DIP2B: variants seen among roughly 807,000 people sequenced by gnomAD.
DIP2B encodes the protein DIP2 acetate--CoA ligase B (putative).
In DIP2B, 76 loss-of-function variants were observed where a neutral mutation model predicts 198.0. The ratio of observed to expected loss-of-function variants is 0.38; its 90% confidence interval spans 0.32 to 0.46. The LOEUF (loss-of-function observed/expected upper bound fraction) is 0.46. Ranked by LOEUF, DIP2B falls within the 20% of genes least tolerant of loss-of-function variation. The pLI is 0.99. For synonymous variants in DIP2B, 701 were observed against 739.1 expected (o/e 0.95, Z 0.84); for missense variants, 1,559 against 1,978.4 (o/e 0.79, Z 4.02).
intron 22 of DIP2B, 95 bp from the exon 23 acceptor site, chr12:50,714,300 A>G (rs533657732): frequency 7.0e-7 from 1 of 1,422,336 alleles, no homozygotes; most frequent in African/African-American, 1.4e-5. Context: ...GGGTAGAGTA[A>G]GAAAAATTGT....
At chr12:50,576,736 C>T (rs1958665230) in intron 1 of DIP2B, among the ~76,000 whole-genome samples, 1 of 138,650 alleles carries the variant, frequency 7.2e-6, no homozygotes, top group Non-Finnish European at 1.6e-5. Context: ...CCGCCTCGGC[C>T]TCTCAAAGTG....
intron 34 of DIP2B, among the ~76,000 whole-genome samples, chr12:50,736,016 TCAAGA>T (rs1342016639): frequency 1.3e-5 from 2 of 152,226 alleles, no homozygotes; most frequent in Non-Finnish European, 2.9e-5. Context: ...ACATGCATTG[TCAAGA>T]CAAGTGGGAA....
intron 1 of DIP2B, among the ~76,000 whole-genome samples, chr12:50,514,037 T>G (rs1042307673): frequency 6.6e-6 from 1 of 150,752 alleles, no homozygotes; most frequent in Non-Finnish European, 1.5e-5. Context: ...AAACCATTGC[T>G]AAATCTAAAG....
intron 1 of DIP2B, among the ~76,000 whole-genome samples, chr12:50,540,303 G>T (rs1203692027): frequency 1.2e-5 from 1 of 80,822 alleles, no homozygotes; most frequent in Admixed American, 1.2e-4. Flanking sequence ...TAGAGACGGG[G>T]TTTCACCATC....
intron 1 of DIP2B, among the ~76,000 whole-genome samples, chr12:50,515,161 A>G (rs550914443): frequency 2.6e-4 from 40 of 151,846 alleles, no homozygotes; most frequent in African/African-American, 8.7e-4. Context: ...CTCCAAGGCT[A>G]CCACTGACTC....
chr12:50,744,187 A>ATTTAT (rs1940305686), intron 37 of DIP2B, among the ~76,000 whole-genome samples: 1 of 152,108 alleles, frequency 6.6e-6, no homozygotes, highest in Non-Finnish European at 1.5e-5. Flanking sequence ...TTTTTAGTAG[A>ATTTAT]GGCGGGATTT....
rs186965363 is a variant in DIP2B at position 50,584,163 on chromosome 12, A to G, written c.101-41813A>G. On this transcript the variant is annotated intron_variant, in intron 1 of 37. Transcript: ENST00000301180. The stretch of plus-strand genomic sequence containing the variant: ...CTTTATGTGGATGATTTCTAAATCT[A>G]TATCCACAGCCAAGGCTCATCCTCT... Among the ~76,000 whole-genome samples the G allele has an allele frequency of 7.9e-4, 120 of 152,308 alleles. 1 individual carries two copies. The highest frequency in any genetic ancestry group is 2.6e-3 in the African/African-American group (108 of 41,580).
intron 1 of DIP2B, among the ~76,000 whole-genome samples, chr12:50,562,612 G>A (rs1181520461): frequency 2.0e-5 from 3 of 151,888 alleles, no homozygotes; most frequent in African/African-American, 7.3e-5. Flanking sequence ...GTGCTCCTGT[G>A]GTCTCAGCTA....
intron 3 of DIP2B, 61 bp from the exon 4 acceptor site, chr12:50,660,133 T>A: frequency 7.0e-7 from 1 of 1,436,010 alleles, no homozygotes; most frequent in South Asian, 1.6e-5. Flanking sequence ...ATAGTTCAGC[T>A]CACAGTGGTA....
At chr12:50,742,051 T>G (rs1343984073) in intron 37 of DIP2B, among the ~76,000 whole-genome samples, 1 of 152,134 alleles carries the variant, frequency 6.6e-6, no homozygotes, top group Non-Finnish European at 1.5e-5. Context: ...CCCCTACATT[T>G]TCCCTGATAA....
intron 8 of DIP2B, chr12:50,679,686 A>C (rs1013836716): frequency 6.6e-6 from 1 of 152,246 alleles, no homozygotes; most frequent in Non-Finnish European, 1.5e-5. Context: ...TTTAACATTC[A>C]CCTCAGAAGC....
intron 1 of DIP2B, among the ~76,000 whole-genome samples, chr12:50,525,673 T>C (rs751282192): frequency 2.0e-5 from 3 of 151,984 alleles, no homozygotes; most frequent in Non-Finnish European, 1.5e-5. Flanking sequence ...CTATCACACC[T>C]TGCTAATTTT....
chr12:50,706,686 A>G (rs2139567963), intron 21 of DIP2B, 21 bp downstream of exon 21: 2 of 1,612,688 alleles, frequency 1.2e-6, no homozygotes, highest in East Asian at 2.2e-5. Context: ...CAAAATTCAA[A>G]TGTTAGCACC....
intron 4 of DIP2B, among the ~76,000 whole-genome samples, chr12:50,670,412 TTTG>T (rs1428048833): frequency 6.6e-5 from 10 of 151,832 alleles, no homozygotes; most frequent in African/African-American, 2.2e-4. Context: ...ACGTATGTTT[TTTG>T]TTTTTTGTTT....
chr12:50,657,422 G>A (rs1464335021), intron 3 of DIP2B, among the ~76,000 whole-genome samples: 1 of 152,084 alleles, frequency 6.6e-6, no homozygotes, highest in Non-Finnish European at 1.5e-5. Context: ...AGTGACCAAA[G>A]TAACCAACTT....
At chr12:50,669,423 TTTTTTG>T (rs914279690) in intron 4 of DIP2B, among the ~76,000 whole-genome samples, 2 of 151,864 alleles carry the variant, frequency 1.3e-5, no homozygotes, top group Non-Finnish European at 2.9e-5. Flanking sequence ...ACTTTCTGGG[TTTTTTG>T]TTTTTGTTTT....
intron 5 of DIP2B, among the ~76,000 whole-genome samples, chr12:50,672,401 G>C (rs1236740878): frequency 6.6e-6 from 1 of 152,090 alleles, no homozygotes; most frequent in African/African-American, 2.4e-5. Context: ...AAAGATTTGC[G>C]TATTCACCAC....
intron 1 of DIP2B, among the ~76,000 whole-genome samples, chr12:50,545,877 C>A (rs1022748492): frequency 6.6e-6 from 1 of 151,962 alleles, no homozygotes; most frequent in African/African-American, 2.4e-5. Context: ...CTCAAGTGAT[C>A]CACCCGCCTC....
At chr12:50,699,900 A>AG (rs1324524965) in intron 19 of DIP2B, among the ~76,000 whole-genome samples, 1 of 151,366 alleles carries the variant, frequency 6.6e-6, no homozygotes, top group African/African-American at 2.4e-5. Flanking sequence ...ACAAAACCAA[A>AG]AAAAAAAAGG....
Sources: allele counts gnomAD v4.1 joint callset (sites outside exome capture counted in the v4.1 genomes callset), GRCh38; gene constraint gnomAD v4.1.1; transcripts MANE v1.5; gene names NCBI Gene and HGNC (gene_info 2026-07-23, HGNC 2026-07-21).